DYNC1H1: variants seen among roughly 807,000 people sequenced by gnomAD.
DYNC1H1 encodes dynein cytoplasmic 1 heavy chain 1.
A neutral mutation model predicts 527.1 loss-of-function variants in DYNC1H1; 51 were observed. That is an observed-to-expected ratio of 0.10 (90% CI 0.08 to 0.12). DYNC1H1 has a LOEUF of 0.12. Ranked by LOEUF, DYNC1H1 falls within the 10% of genes least tolerant of loss-of-function variation. DYNC1H1 has a pLI of 1.00. For missense variants in DYNC1H1, 2,771 were observed against 5,971.8 expected (o/e 0.46, Z 17.66); for synonymous variants, 2,189 against 2,278.8 (o/e 0.96, Z 1.12).
chr14:102,007,282 A>G (rs141073054), intron 28 of DYNC1H1, among the ~76,000 whole-genome samples, 174 bp downstream of exon 28: 2 of 152,386 alleles, frequency 1.3e-5, no homozygotes, highest in East Asian at 1.9e-4. Flanking sequence ...TGAGGTGTCC[A>G]GCATACATGC....
chr14:101,993,006 C>G (rs778178788), intron 11 of DYNC1H1, among the ~76,000 whole-genome samples: 1 of 152,060 alleles, frequency 6.6e-6, no homozygotes, highest in African/African-American at 2.4e-5. Context: ...GTTCGTATCT[C>G]CAGCTGACCT....
rs1448547489 is a variant in DYNC1H1, at chr14:102,010,808, C to T, written c.6474C>T (p.Phe2158=). 6.2e-7 allele frequency: 1 copy of T among 1,614,030 alleles called. No individual in the cohort carries two copies. The highest frequency in any genetic ancestry group is 2.2e-5 in the East Asian group (1 of 44,902). The change falls in exon 32 of 78, where the codon TTC becomes TTT. Residue 2158 remains phenylalanine, a synonymous_variant. Transcript: ENST00000360184. This position sits in a 1 kb window ranked among gnomAD's most constrained non-coding sequence, Gnocchi z 6.0. ...KLVAEDIPLL[F]SLLSDVFPGV... ...TGGCAGAGGACATCCCGCTGCTCTT[C>T]AGCCTCCTGTCGGACGTGTTCCCTG...
At chr14:102,006,863 G>A in intron 27 of DYNC1H1, 145 bp from the exon 28 acceptor site, 1 of 803,434 alleles carries the variant, frequency 1.2e-6, no homozygotes, top group South Asian at 1.5e-5. Flanking sequence ...GCCTCCCGAA[G>A]TGCTGGGATT....
intron 12 of DYNC1H1, 34 bp from the exon 13 acceptor site, chr14:101,994,639 C>CA (rs1375236053): frequency 6.2e-7 from 1 of 1,612,588 alleles, no homozygotes; most frequent in Non-Finnish European, 8.5e-7. Flanking sequence ...AATGAAAACT[C>CA]AAACTATTAT....
chr14:102,004,245 A>AAAAT (rs58406901), intron 23 of DYNC1H1, among the ~76,000 whole-genome samples: 45 of 151,242 alleles, frequency 3.0e-4, no homozygotes, highest in East Asian at 2.7e-3. Context: ...CTCCGTCTCA[A>AAAAT]AAATAAATAA....
At position 102,033,472 on chromosome 14, in the gene DYNC1H1, T is replaced by A. The variant is rs184264124; in HGVS notation, c.10401T>A (p.Ala3467=). The change falls in exon 54 of 78, where the codon GCT becomes GCA. Residue 3467 remains alanine (A), a synonymous_variant. Coordinates refer to ENST00000360184, the MANE Select transcript of DYNC1H1 (RefSeq NM_001376.5). This position sits in a 1 kb window ranked among gnomAD's most constrained non-coding sequence, Gnocchi z 5.6. ...EAQAIKADLA[A]VEAKVNRSTA... is the part of the protein sequence containing the mutation. ...AGGCCATCAAGGCAGACCTGGCAGCTGTCGAGGCAAAAGTAAGATTATCAT... is the reference window on the plus strand; with the variant it reads ...AGGCCATCAAGGCAGACCTGGCAGCAGTCGAGGCAAAAGTAAGATTATCAT... 29 of 1,614,128 alleles carry A rather than the reference T, an allele frequency of 1.8e-5. No homozygotes were observed. The East Asian group carries it at 5.3e-4, about 30-fold the overall frequency.
chr14:101,995,525 G>A (rs919893997), intron 15 of DYNC1H1, among the ~76,000 whole-genome samples: 2 of 150,948 alleles, frequency 1.3e-5, no homozygotes, highest in African/African-American at 4.9e-5. Context: ...GCAGGAGAAT[G>A]GCATGAACCC....
intron 72 of DYNC1H1, 176 bp from the exon 73 acceptor site, chr14:102,047,641 G>GTGTGTGTGTGTATATATATA: frequency 8.8e-5 from 28 of 316,748 alleles, no homozygotes; most frequent in African/African-American, 2.7e-4. Flanking sequence ...GTGTGTGTGT[G>GTGTGTGTGTGTATATATATA]TATATATATA....
Position 102,046,842 on chromosome 14 carries a change from A to C in DYNC1H1, c.13007-975A>C, listed in dbSNP as rs148374470. ...GAGACTGAGTCTTGCTCTGTCACTC[A>C]GACTGGAGTGCAGTGGTGCAATCAG... On this transcript the variant is annotated intron_variant, in intron 72 of 77. Coordinates refer to ENST00000360184, the MANE Select transcript of DYNC1H1 (RefSeq NM_001376.5). Among the ~76,000 whole-genome samples, 480 of 149,932 alleles carry C rather than the reference A, an allele frequency of 3.2e-3. 6 individuals are homozygous for C. The highest frequency in any genetic ancestry group is 0.011 in the African/African-American group (447 of 40,450).
chr14:101,975,986 C>T lies in DYNC1H1; in HGVS notation c.344+187C>T, dbSNP rs559154001. Among the ~76,000 whole-genome samples, 200 of 151,378 alleles carry T rather than the reference C, an allele frequency of 1.3e-3. 1 individual carries two copies. The highest frequency in any genetic ancestry group is 4.7e-3 in the African/African-American group (194 of 41,264). On this transcript the variant is annotated intron_variant, in intron 2 of 77. Transcript: ENST00000360184. ...ACAATGGCGCGATCTCGGCTCACTG[C>T]ACCCTCTGCCTCCCGGGTTCAAGCA...
chr14:102,038,617 G>C lies in DYNC1H1; in HGVS notation c.11055+11G>C, dbSNP rs1325476243. 1 of 1,614,172 alleles carries C rather than the reference G, an allele frequency of 6.2e-7. No homozygotes were observed. The highest frequency in any genetic ancestry group is 1.7e-5 in the Admixed American group (1 of 60,020). ...ACCCGGGATCCAACTGTAAGGAATG[G>C]GACCCTTCCCCAGGGAAATCTGGCA... On this transcript the variant is annotated intron_variant, in intron 58 of 77. Transcript: ENST00000360184. This position sits in a 1 kb window ranked among gnomAD's most constrained non-coding sequence, Gnocchi z 7.2.
At chr14:101,993,388 T>C (rs10131545) in intron 11 of DYNC1H1, among the ~76,000 whole-genome samples, 18,722 of 152,148 alleles carry the variant, frequency 0.12, 1,887 homozygotes, top group African/African-American at 0.28. Flanking sequence ...CCTGACACTC[T>C]TTTCGGAGCC....
chr14:101,984,319 AAACTT>A (rs2047902716), intron 7 of DYNC1H1, among the ~76,000 whole-genome samples: 1 of 149,222 alleles, frequency 6.7e-6, no homozygotes, highest in South Asian at 2.1e-4. Flanking sequence ...TGTTTTTTGA[AAACTT>A]AACTACTTCT....
Position 102,009,951 on chromosome 14 carries a change from C to T in DYNC1H1, c.6086C>T (p.Pro2029Leu), listed in dbSNP as rs1232475320. ...GGCTACGCGGGCCGGTCTAACCTTCCTGACAACTTGAAGAAGCTGTTCCGG... is the reference window on the plus strand; with the variant it reads ...GGCTACGCGGGCCGGTCTAACCTTCTTGACAACTTGAAGAAGCTGTTCCGG... ...NPGYAGRSNLPDNLKKLFRSL... is the reference protein window; with the variant it reads ...NPGYAGRSNLLDNLKKLFRSL... The change falls in exon 30 of 78, where the codon CCT becomes CTT. Residue 2029 changes from proline (P) to leucine (L), a missense_variant. Physicochemically the swap from Pro to Leu is moderately conservative, Grantham distance 98 (BLOSUM62 -3). Around this residue, in one of 32 missense-constraint regions of DYNC1H1, gnomAD observed 19 missense variants for 90.4 expected, o/e 0.21. Coordinates refer to ENST00000360184, the MANE Select transcript of DYNC1H1 (RefSeq NM_001376.5). 1 of 1,614,076 alleles carries T rather than the reference C, an allele frequency of 6.2e-7. No homozygotes were observed. Among genetic ancestry groups the T allele is most frequent in the African/African-American group, 1.3e-5 (1 of 74,932 alleles).
chr14:102,009,658 A>C (rs959060767), intron 29 of DYNC1H1, 185 bp from the exon 30 acceptor site: 1 of 855,708 alleles, frequency 1.2e-6, no homozygotes, highest in Non-Finnish European at 1.8e-6. Context: ...GAATGGGTCC[A>C]CCTGGGCTGG....
rs1002495705 is a variant in DYNC1H1, at chr14:102,002,372, A to C, written c.4543-165A>C. Among the ~76,000 whole-genome samples, 1 of 152,096 alleles carries C rather than the reference A, an allele frequency of 6.6e-6. No homozygotes were observed. The highest frequency in any genetic ancestry group is 2.4e-5 in the African/African-American group (1 of 41,406). On this transcript the variant is annotated intron_variant, in intron 21 of 77. Transcript: ENST00000360184. This position sits in a 1 kb window ranked among gnomAD's most constrained non-coding sequence, Gnocchi z 4.4. ...GTGATCCACCCGCCTCGGCCTCCCAAAATGCTGGGATTACAGGCGTGAGCC... is the reference window on the plus strand; with the variant it reads ...GTGATCCACCCGCCTCGGCCTCCCACAATGCTGGGATTACAGGCGTGAGCC...
intron 51 of DYNC1H1, among the ~76,000 whole-genome samples, chr14:102,031,566 G>A (rs149175167): frequency 4.2e-4 from 64 of 152,226 alleles, no homozygotes; most frequent in African/African-American, 1.4e-3. Flanking sequence ...ACGTCTTTAC[G>A]CATCCCTCTA....
chr14:101,986,718 A>G lies in DYNC1H1; in HGVS notation c.2493A>G (p.Pro831=), dbSNP rs777646914. The G allele has an allele frequency of 4.3e-6, 7 of 1,614,090 alleles. No homozygotes were observed. The highest frequency in any genetic ancestry group is 3.3e-5 in the Admixed American group (2 of 60,004). Reference sequence around the variant, plus strand: ...TGTGGGAGTCCTACAAACTTGACCCATATGTACAGCGCTTAGCAGAGACTG... The same window carrying G: ...TGTGGGAGTCCTACAAACTTGACCCGTATGTACAGCGCTTAGCAGAGACTG... The part of the protein sequence containing the change: ...ALVWESYKLD[P]YVQRLAETVF... Residue 831 remains proline (P), a synonymous_variant, in exon 8 of 78, where the codon CCA becomes CCG. Coordinates refer to ENST00000360184, the MANE Select transcript of DYNC1H1 (RefSeq NM_001376.5). The surrounding 1 kb of genome is among the most constrained non-coding windows in gnomAD (Gnocchi z 8.7).
intron 72 of DYNC1H1, among the ~76,000 whole-genome samples, chr14:102,046,674 G>A (rs1438781700): frequency 3.3e-5 from 5 of 152,200 alleles, no homozygotes; most frequent in African/African-American, 7.2e-5. Context: ...AGCGCCTCTC[G>A]AGCACGCACT....
Sources: allele counts gnomAD v4.1 joint callset (sites outside exome capture counted in the v4.1 genomes callset), GRCh38; gene constraint gnomAD v4.1.1; regional missense constraint gnomAD v4.1.1; non-coding constraint Gnocchi (gnomAD v3.1); transcripts MANE v1.5; gene names NCBI Gene and HGNC (gene_info 2026-07-23, HGNC 2026-07-21).